MEI4: variants seen among roughly 807,000 people sequenced by gnomAD.
The protein encoded by MEI4 is meiotic double-stranded break formation protein 4.
In MEI4, 27 loss-of-function variants were observed where a neutral mutation model predicts 31.4. That is an observed-to-expected ratio of 0.86 (90% CI 0.63 to 1.19). The LOEUF is 1.19. MEI4 is among the 50% of genes most tolerant of loss of function. MEI4 has a pLI of 0.00. For synonymous variants in MEI4, 122 were observed against 145.4 expected (o/e 0.84, Z 1.16); for missense variants, 329 against 398.9 (o/e 0.82, Z 1.49).
At chr6:77,700,315 T>C (rs990338968) in intron 2 of MEI4, among the ~76,000 whole-genome samples, 3 of 152,144 alleles carry the variant, frequency 2.0e-5, no homozygotes, top group Non-Finnish European at 4.4e-5. Flanking sequence ...TCCCCCAGCC[T>C]CACTGCCACC....
At chr6:77,662,488 G>A (rs1354373238) in intron 1 of MEI4, among the ~76,000 whole-genome samples, 3 of 152,330 alleles carry the variant, frequency 2.0e-5, no homozygotes, top group Admixed American at 6.5e-5. Flanking sequence ...CAAAGAGTGA[G>A]TATAGCTGAA....
chr6:77,883,727 TATATATATATATATATAA>T (rs1199202556), intron 4 of MEI4, among the ~76,000 whole-genome samples: 3 of 140,002 alleles, frequency 2.1e-5, no homozygotes, highest in African/African-American at 5.4e-5. Context: ...GATATATATA[TATATATATATATATATAA>T]CTTTGTCTTT....
intron 4 of MEI4, among the ~76,000 whole-genome samples, chr6:77,903,352 A>G (rs984490128): frequency 2.0e-5 from 3 of 152,146 alleles, no homozygotes; most frequent in Non-Finnish European, 4.4e-5. Flanking sequence ...TGTGATAGTC[A>G]GCACTTTATT....
chr6:77,740,813 GA>G (rs754725290), intron 2 of MEI4, among the ~76,000 whole-genome samples: 4 of 151,140 alleles, frequency 2.6e-5, no homozygotes, highest in African/African-American at 7.3e-5. Context: ...TATATATTTT[GA>G]AAAAAATATA....
chr6:77,734,959 G>C (rs1251954013), intron 2 of MEI4, among the ~76,000 whole-genome samples: 1 of 151,800 alleles, frequency 6.6e-6, no homozygotes, highest in Non-Finnish European at 1.5e-5. Context: ...GTTGAATATT[G>C]GCCCCCACTC....
Position 77,923,529 on chromosome 6 carries a change from A to G in MEI4, c.*183A>G. The G allele has an allele frequency of 7.8e-6, 4 of 510,594 alleles. No homozygotes were observed. Among genetic ancestry groups the G allele is most frequent in the Non-Finnish European group, 1.2e-5 (4 of 339,508 alleles). 31.6% of individuals were successfully genotyped at this position (510,594 alleles called of 1,614,324 possible). A position where few individuals can be genotyped will look rare whatever the true frequency, so the allele number is the denominator to read the frequency against. On this transcript the variant is annotated 3_prime_UTR_variant, in exon 5 of 5. Transcript: ENST00000684080. ...ATGAAATTTTATGAGTCATATTTCT[A>G]TACTAAAATCAGCCAGTTTCGGTTG...
intron 3 of MEI4, among the ~76,000 whole-genome samples, chr6:77,795,885 A>T (rs1769062315): frequency 6.6e-6 from 1 of 152,178 alleles, no homozygotes; most frequent in African/African-American, 2.4e-5. Flanking sequence ...AAGAGAAGTG[A>T]ACACTTCGAA....
chr6:77,761,445 T>A lies in MEI4; in HGVS notation c.548T>A (p.Val183Asp), dbSNP rs1768042639. The A allele has an allele frequency of 8.1e-7, 1 of 1,232,144 alleles. No individual in the cohort carries two copies. Among genetic ancestry groups the A allele is most frequent in the East Asian group, 3.2e-5 (1 of 31,702 alleles). 76.3% of individuals were successfully genotyped at this position (1,232,144 alleles called of 1,614,324 possible). Reference sequence around the variant, plus strand: ...CACTTTGAAAAAGACTCTTCCACAGTCTCTGATTCTGTTTTTCAATTGCTG... The same window carrying A: ...CACTTTGAAAAAGACTCTTCCACAGACTCTGATTCTGTTTTTCAATTGCTG... ...LTHFEKDSST[V>D]SDSVFQLLDG... The change falls in exon 3 of 5, where the codon GTC becomes GAC. Residue 183 changes from valine to aspartate, a missense_variant. Coordinates refer to ENST00000684080, the MANE Select transcript of MEI4 (RefSeq NM_001322247.2).
intron 3 of MEI4, among the ~76,000 whole-genome samples, chr6:77,802,471 T>C (rs995704052): frequency 6.6e-6 from 1 of 152,208 alleles, no homozygotes; most frequent in Non-Finnish European, 1.5e-5. Flanking sequence ...CCCATTTACA[T>C]TTAAAGTTAA....
chr6:77,851,444 A>G (rs1582214614), intron 4 of MEI4, among the ~76,000 whole-genome samples: 1 of 152,246 alleles, frequency 6.6e-6, no homozygotes, highest in African/African-American at 2.4e-5. Context: ...ACCATGGAAT[A>G]CTGTGCAGCC....
At chr6:77,908,645 C>T (rs1766355836) in intron 4 of MEI4, among the ~76,000 whole-genome samples, 1 of 151,836 alleles carries the variant, frequency 6.6e-6, no homozygotes, top group Non-Finnish European at 1.5e-5. Context: ...TTTTTTGGTT[C>T]CATATGAACT....
chr6:77,660,659 C>T (rs1168229704), intron 1 of MEI4, among the ~76,000 whole-genome samples: 1 of 152,008 alleles, frequency 6.6e-6, no homozygotes, highest in Non-Finnish European at 1.5e-5. Context: ...GTATTAGGCT[C>T]ATAAGGGTTA....
intron 1 of MEI4, among the ~76,000 whole-genome samples, chr6:77,677,895 T>A (rs1768874155): frequency 6.6e-6 from 1 of 152,206 alleles, no homozygotes; most frequent in Non-Finnish European, 1.5e-5. Context: ...TGTATTTCAG[T>A]AATATTTGTA....
Position 77,923,277 on chromosome 6 carries a change from GTTTACTT to G in MEI4, c.1094_1100del (p.Thr365IlefsTer9). On this transcript the variant is annotated frameshift_variant, in exon 5 of 5. Transcript: ENST00000684080. LOFTEE classifies it high-confidence loss of function. ...TCCAACTTTCTGATGCATTTCCTTT[GTTTACTT>G]TTTATTTATGGAGAGTGGGCATTCT... The G allele has an allele frequency of 8.1e-7, 1 of 1,230,144 alleles. No individual in the cohort carries two copies. The highest frequency in any genetic ancestry group is 1.0e-6 in the Non-Finnish European group (1 of 986,642). 76.2% of individuals were successfully genotyped at this position (1,230,144 alleles called of 1,614,324 possible).
chr6:77,698,936 G>A (rs1337056957), intron 2 of MEI4, among the ~76,000 whole-genome samples: 1 of 152,066 alleles, frequency 6.6e-6, no homozygotes, highest in East Asian at 1.9e-4. Context: ...TTTTCACATA[G>A]TCCCATATTT....
chr6:77,737,417 A>C (rs1235133328), intron 2 of MEI4, among the ~76,000 whole-genome samples: 1 of 152,184 alleles, frequency 6.6e-6, no homozygotes, highest in African/African-American at 2.4e-5. Context: ...TGAAATATTG[A>C]GCTCTTAACA....
intron 3 of MEI4, among the ~76,000 whole-genome samples, chr6:77,816,836 C>G (rs928209690): frequency 2.0e-5 from 3 of 152,108 alleles, no homozygotes; most frequent in Non-Finnish European, 2.9e-5. Flanking sequence ...GAACATAATT[C>G]AGCTTTGTCT....
At chr6:77,744,101 G>A (rs1453675192) in intron 2 of MEI4, among the ~76,000 whole-genome samples, 1 of 152,180 alleles carries the variant, frequency 6.6e-6, no homozygotes, top group Non-Finnish European at 1.5e-5. Flanking sequence ...CACCAGCAAT[G>A]GAACAAAGCT....
chr6:77,708,824 C>T (rs1766390479), intron 2 of MEI4, among the ~76,000 whole-genome samples: 1 of 152,188 alleles, frequency 6.6e-6, no homozygotes, highest in South Asian at 2.1e-4. Flanking sequence ...CACCTGCTGT[C>T]ATGATTATAA....
Sources: allele counts gnomAD v4.1 joint callset (sites outside exome capture counted in the v4.1 genomes callset), GRCh38; gene constraint gnomAD v4.1.1; transcripts MANE v1.5; gene names NCBI Gene and HGNC (gene_info 2026-07-23, HGNC 2026-07-21).